NRP1: variants seen among roughly 807,000 people sequenced by gnomAD.
NRP1 encodes the protein neuropilin 1.
Under a neutral mutation model 106.7 loss-of-function variants are expected in NRP1, and 35 were observed. That is an observed-to-expected ratio of 0.33 (90% confidence interval 0.25 to 0.43). NRP1 has a LOEUF of 0.43. NRP1 is among the 20% of genes least tolerant of loss of function. The pLI is 1.00. For synonymous variants in NRP1, 437 were observed against 417.9 expected (o/e 1.05, Z -0.56); for missense variants, 1,024 against 1,170.4 (o/e 0.87, Z 1.83).
At chr10:33,325,226 G>A (rs1847804144) in intron 2 of NRP1, among the ~76,000 whole-genome samples, 1 of 152,126 alleles carries the variant, frequency 6.6e-6, no homozygotes, top group Admixed American at 6.5e-5. Flanking sequence ...AAATAGAGAT[G>A]TAGTTTGGCT....
chr10:33,182,752 A>T lies in NRP1; in HGVS notation c.2432-4T>A, dbSNP rs375129382. 1.8e-5 allele frequency: 29 copies of T among 1,610,706 alleles called. No individual in the cohort carries two copies. The African/African-American group carries it at 3.6e-4, about 20-fold the overall frequency. On this transcript the variant is annotated splice_polypyrimidine_tract_variant and splice_region_variant and intron_variant, in intron 15 of 16. Transcript: ENST00000374867. The stretch of plus-strand genomic sequence containing the variant: ...TTTTTATCCAGGTCTGCTGGTTCTG[A>T]CAAGTCAAACAAAATTGAAAGAGAT...
At chr10:33,316,549 A>T (rs924549539) in intron 2 of NRP1, among the ~76,000 whole-genome samples, 2 of 152,226 alleles carry the variant, frequency 1.3e-5, no homozygotes, top group African/African-American at 4.8e-5. Context: ...AGTGGCTAAG[A>T]TCAAAAAGCT....
intron 11 of NRP1, 140 bp downstream of exon 11, chr10:33,202,751 A>G (rs2132704459): frequency 6.4e-7 from 1 of 1,566,664 alleles, no homozygotes; most frequent in East Asian, 2.3e-5. Flanking sequence ...ATGAAGATGC[A>G]CGTGTTCTGG....
chr10:33,214,741 G>C (rs2132828831), intron 8 of NRP1, among the ~76,000 whole-genome samples: 1 of 152,306 alleles, frequency 6.6e-6, no homozygotes, highest in African/African-American at 2.4e-5. Flanking sequence ...ATGGATAGGA[G>C]TAGCCTATCA....
intron 2 of NRP1, among the ~76,000 whole-genome samples, chr10:33,329,553 T>C (rs1589007793): frequency 6.6e-6 from 1 of 152,302 alleles, no homozygotes; most frequent in South Asian, 2.1e-4. Context: ...CAAAATAATA[T>C]TTAGGTCCAG....
intron 13 of NRP1, 131 bp downstream of exon 13, chr10:33,192,150 A>T: frequency 1.1e-6 from 1 of 899,252 alleles, no homozygotes; most frequent in East Asian, 2.5e-5. Flanking sequence ...AGAAAATAAT[A>T]GCACATGTGA....
intron 13 of NRP1, 118 bp from the exon 14 acceptor site, chr10:33,186,606 CG>C: frequency 8.3e-7 from 1 of 1,207,578 alleles, no homozygotes; most frequent in East Asian, 2.4e-5. Flanking sequence ...AACCCAAATA[CG>C]TAGTGGAAAG....
At chr10:33,303,565 G>A in intron 2 of NRP1, among the ~76,000 whole-genome samples, 1 of 152,070 alleles carries the variant, frequency 6.6e-6, no homozygotes, top group Admixed American at 6.6e-5. Flanking sequence ...CAATGACCTG[G>A]GCCTTACTTC....
intron 7 of NRP1, among the ~76,000 whole-genome samples, 167 bp from the exon 8 acceptor site, chr10:33,222,030 AATG>A (rs1839286346): frequency 1.3e-5 from 2 of 152,370 alleles, no homozygotes; most frequent in South Asian, 2.1e-4. Flanking sequence ...TAGCAATCAG[AATG>A]ATGTCTAATA....
Position 33,180,203 on chromosome 10 carries a change from G to C in NRP1, c.2645C>G (p.Ala882Gly). 6.2e-7 allele frequency: 1 copy of C among 1,614,020 alleles called. No homozygotes were observed. The highest frequency in any genetic ancestry group is 1.7e-5 in the Admixed American group (1 of 60,006). The change falls in exon 17 of 17, where the codon GCC (alanine) becomes GGC (glycine). Residue 882 changes from alanine to glycine, a missense_variant. Around this residue, in one of 5 missense-constraint regions of NRP1, gnomAD observed 164 missense variants for 161.4 expected, o/e 1.02. Coordinates refer to ENST00000374867, the MANE Select transcript of NRP1 (RefSeq NM_003873.7). ...GAVCGVVLYCACWHNGMSERN... is the reference protein window; with the variant it reads ...GAVCGVVLYCGCWHNGMSERN... Reference sequence around the variant, plus strand: ...TTCTGACATCCCATTATGCCAACAGGCACAGTACAGCACGACCCCACAGAC... The same window carrying C: ...TTCTGACATCCCATTATGCCAACAGCCACAGTACAGCACGACCCCACAGAC...
intron 2 of NRP1, among the ~76,000 whole-genome samples, chr10:33,274,939 T>C (rs1460373971): frequency 6.6e-6 from 1 of 152,206 alleles, no homozygotes; most frequent in East Asian, 1.9e-4. Flanking sequence ...TAATAGCTAT[T>C]CAAACTGAAC....
chr10:33,187,650 C>G (rs2132604731), intron 13 of NRP1, among the ~76,000 whole-genome samples: 1 of 152,290 alleles, frequency 6.6e-6, no homozygotes, highest in African/African-American at 2.4e-5. Flanking sequence ...GTCAACACAG[C>G]TCATGTTTCA....
intron 2 of NRP1, among the ~76,000 whole-genome samples, chr10:33,316,257 T>C (rs755230963): frequency 1.3e-5 from 2 of 152,138 alleles, no homozygotes; most frequent in Non-Finnish European, 2.9e-5. Context: ...ACATCGTAGA[T>C]AGATAATTGA....
chr10:33,248,123 C>A (rs1841560367), intron 6 of NRP1, among the ~76,000 whole-genome samples: 1 of 152,098 alleles, frequency 6.6e-6, no homozygotes, highest in South Asian at 2.1e-4. Flanking sequence ...CACGCCATCT[C>A]TACTAAAAAT....
rs1408118336 is a variant in NRP1, at chr10:33,221,734, C to T, written c.1267G>A (p.Gly423Ser). 6.2e-7 allele frequency: 1 copy of T among 1,613,882 alleles called. No homozygotes were observed. The highest frequency in any genetic ancestry group is 1.7e-5 in the Admixed American group (1 of 60,018). ...TGISMRFEVY[G>S]CKITDYPCSG... The stretch of plus-strand genomic sequence containing the variant: ...CACAGCTTACCTGTTATCTTGCAAC[C>T]GTATACTTCAAATCTCATAGATATG... The change falls in exon 8 of 17, where the codon GGT becomes AGT. Residue 423 changes from glycine to serine, a missense_variant. By Grantham distance (56) the Gly-to-Ser change is moderately conservative. Around this residue, in one of 5 missense-constraint regions of NRP1, gnomAD observed 562 missense variants for 620.3 expected, o/e 0.91. Transcript: ENST00000374867.
rs1202041259 is a variant in NRP1, at chr10:33,185,780, T to G, written c.2335-56A>C. The G allele has an allele frequency of 1.1e-5, 16 of 1,427,268 alleles. No homozygotes were observed. In the East Asian group the frequency reaches 3.7e-4, roughly 33 times the overall value. The allele number at this position is 1,427,268 out of a possible 1,614,324, so 88.4% of individuals were successfully genotyped here. On this transcript the variant is annotated intron_variant, in intron 14 of 16. Coordinates refer to ENST00000374867, the MANE Select transcript of NRP1 (RefSeq NM_003873.7). ...GAAATGCTCATCTCACATGGCAGTGTTTACAAATGCTTGTTCAGCTCCAGC... is the reference window on the plus strand; with the variant it reads ...GAAATGCTCATCTCACATGGCAGTGGTTACAAATGCTTGTTCAGCTCCAGC...
rs1208948667 is a variant in NRP1, at chr10:33,178,076, T to C, written c.*2000A>G. On this transcript the variant is annotated 3_prime_UTR_variant, in exon 17 of 17. Transcript: ENST00000374867. ...GGTAGGATTATATCAACTAAATGAATGTCTCTGGGGACAAAAAACTATTCT... is the reference window on the plus strand; with the variant it reads ...GGTAGGATTATATCAACTAAATGAACGTCTCTGGGGACAAAAAACTATTCT... The C allele has an allele frequency of 1.3e-5, 2 of 152,644 alleles. No homozygotes were observed. The highest frequency in any genetic ancestry group is 4.8e-5 in the African/African-American group (2 of 41,456). The allele number at this position is 152,644 out of a possible 1,614,324, so 9.5% of individuals were successfully genotyped here.
chr10:33,234,458 T>C (rs1310489974), intron 6 of NRP1, among the ~76,000 whole-genome samples: 1 of 152,206 alleles, frequency 6.6e-6, no homozygotes, highest in East Asian at 1.9e-4. Context: ...GCTTTTCTTT[T>C]TGGAGATTCA....
chr10:33,213,088 A>T, intron 9 of NRP1: 1 of 685,674 alleles, frequency 1.5e-6, no homozygotes, highest in Non-Finnish European at 2.4e-6. Context: ...CGCTGGCTGG[A>T]TGGCTGCTGT....
Sources: allele counts gnomAD v4.1 joint callset (sites outside exome capture counted in the v4.1 genomes callset), GRCh38; gene constraint gnomAD v4.1.1; regional missense constraint gnomAD v4.1.1; transcripts MANE v1.5; gene names NCBI Gene and HGNC (gene_info 2026-07-23, HGNC 2026-07-21).